KDM4B: variants seen among roughly 807,000 people sequenced by gnomAD.
KDM4B encodes lysine-specific demethylase 4B.
Under a neutral mutation model 125.2 loss-of-function variants are expected in KDM4B, and 32 were observed. That is an observed-to-expected ratio of 0.26 (90% CI 0.19 to 0.34). The LOEUF (loss-of-function observed/expected upper bound fraction) is 0.34, where lower values mean the gene tolerates loss of function less well. Ranked by LOEUF, KDM4B falls within the 10% of genes least tolerant of loss-of-function variation. KDM4B has a pLI of 1.00. For synonymous variants in KDM4B, 721 were observed against 677.9 expected (o/e 1.06, Z -0.99); for missense variants, 1,190 against 1,577.7 (o/e 0.75, Z 4.16).
At chr19:5,145,806 C>T (rs538566634) in intron 21 of KDM4B, among the ~76,000 whole-genome samples, 4 of 152,274 alleles carry the variant, frequency 2.6e-5, no homozygotes, top group East Asian at 1.9e-4. Flanking sequence ...AGAGTCACCT[C>T]GGGTCACGCG....
chr19:5,150,791 C>T (rs1472940658), intron 22 of KDM4B, among the ~76,000 whole-genome samples: 3 of 152,204 alleles, frequency 2.0e-5, no homozygotes, highest in Non-Finnish European at 2.9e-5. Flanking sequence ...CTGCACAGGG[C>T]GGCCTCTGAA....
chr19:5,019,113 T>G (rs959451455), intron 2 of KDM4B, among the ~76,000 whole-genome samples: 9 of 141,250 alleles, frequency 6.4e-5, no homozygotes, highest in Admixed American at 2.1e-4. Flanking sequence ...GGTGTTGGTG[T>G]GGGTGTTGGT....
intron 6 of KDM4B, chr19:5,070,659 C>A (rs892222868): frequency 5.4e-6 from 1 of 184,740 alleles, no homozygotes; most frequent in Non-Finnish European, 1.1e-5. Context: ...AGGGTCCCCT[C>A]GCCACCCGCA....
At chr19:4,982,208 C>G (rs1360799937) in intron 1 of KDM4B, among the ~76,000 whole-genome samples, 1 of 151,790 alleles carries the variant, frequency 6.6e-6, no homozygotes. Flanking sequence ...AGGAGAATCG[C>G]TTGAACCTGG....
At position 5,118,038 on chromosome 19, in the gene KDM4B, G is replaced by A. The variant is rs541061594; in HGVS notation, c.1116-1615G>A. Among the ~76,000 whole-genome samples the A allele has an allele frequency of 2.3e-3, 349 of 152,272 alleles. 2 individuals carry two copies. Among genetic ancestry groups the A allele is most frequent in the African/African-American group, 8.2e-3 (342 of 41,564 alleles). On this transcript the variant is annotated intron_variant, in intron 10 of 22. Coordinates refer to ENST00000159111, the MANE Select transcript of KDM4B (RefSeq NM_015015.3). ...AGTGGCTGGGAGCAGCGGTGGGCAG[G>A]GGTCAGGTCCAAGTGTCCCGAGGGA...
intron 1 of KDM4B, among the ~76,000 whole-genome samples, chr19:4,992,839 T>C (rs1396210237): frequency 1.3e-5 from 2 of 152,226 alleles, no homozygotes; most frequent in African/African-American, 4.8e-5. Flanking sequence ...CCTGTGATTA[T>C]TTAGGAGTAT....
intron 10 of KDM4B, chr19:5,112,528 A>G (rs1211075215): frequency 6.6e-6 from 1 of 152,140 alleles, no homozygotes; most frequent in African/African-American, 2.4e-5. Flanking sequence ...TTGGCCCCCC[A>G]CCACGCTCTG....
chr19:5,109,731 T>G (rs373330171), intron 9 of KDM4B, among the ~76,000 whole-genome samples: 2 of 152,186 alleles, frequency 1.3e-5, no homozygotes, highest in African/African-American at 4.8e-5. Flanking sequence ...CCCTGCAAGC[T>G]GGAGGCAGTC....
At chr19:5,003,759 A>T in intron 1 of KDM4B, among the ~76,000 whole-genome samples, 1 of 152,036 alleles carries the variant, frequency 6.6e-6, no homozygotes, top group East Asian at 1.9e-4. Context: ...TAGTGAGCTG[A>T]GATTGTGCCA....
At chr19:5,144,192 C>T (rs769148044) in intron 19 of KDM4B, 40 bp downstream of exon 19, 7 of 1,577,252 alleles carry the variant, frequency 4.4e-6, no homozygotes, top group African/African-American at 1.3e-5. Flanking sequence ...GCCCCTGGCT[C>T]CCGCCCCCAC....
rs571880624 is a variant in KDM4B, at chr19:5,082,598, C to T, written c.918+94C>T. On this transcript the variant is annotated intron_variant, in intron 9 of 22. Coordinates refer to ENST00000159111, the MANE Select transcript of KDM4B (RefSeq NM_015015.3). The surrounding 1 kb of genome is among the most constrained non-coding windows in gnomAD (Gnocchi z 5.4). ...ACACGCCCATAGCTGGTCCAGCAGC[C>T]GTTTCGCTCAGCCCAGGGCCTGGGC... 221 of 1,391,380 alleles carry T rather than the reference C, an allele frequency of 1.6e-4. No individual in the cohort carries two copies. The highest frequency in any genetic ancestry group is 1.9e-4 in the Non-Finnish European group (202 of 1,039,286). The allele number at this position is 1,391,380 out of a possible 1,614,324, so 86.2% of individuals were successfully genotyped here. A position where few individuals can be genotyped will look rare whatever the true frequency, so the allele number is the denominator to read the frequency against.
At chr19:4,977,702 C>T (rs1451204677) in intron 1 of KDM4B, among the ~76,000 whole-genome samples, 2 of 152,210 alleles carry the variant, frequency 1.3e-5, no homozygotes, top group Non-Finnish European at 2.9e-5. Context: ...CCTGAAACTA[C>T]CCACGGGTGC....
rs535456558 is a variant in KDM4B at position 5,102,594 on chromosome 19, G to A, written c.919-8028G>A. Among the ~76,000 whole-genome samples, 9 of 152,308 alleles carry A rather than the reference G, an allele frequency of 5.9e-5. No homozygotes were observed. The East Asian group carries it at 1.4e-3, about 23-fold the overall frequency. On this transcript the variant is annotated intron_variant, in intron 9 of 22. Transcript: ENST00000159111. Reference sequence around the variant, plus strand: ...GGCCGGGGCCGGGGTGGCATCTGGGGCCACTCCCGGTCTCTTGCTGTTGGC... The same window carrying A: ...GGCCGGGGCCGGGGTGGCATCTGGGACCACTCCCGGTCTCTTGCTGTTGGC...
chr19:5,041,532 A>G (rs1471359613), intron 5 of KDM4B, among the ~76,000 whole-genome samples: 4 of 152,170 alleles, frequency 2.6e-5, no homozygotes, highest in Non-Finnish European at 4.4e-5. Context: ...AGCGTGTTAC[A>G]AACACGTGTA....
At chr19:5,073,396 A>G (rs2145832298) in intron 7 of KDM4B, among the ~76,000 whole-genome samples, 1 of 152,348 alleles carries the variant, frequency 6.6e-6, no homozygotes, top group South Asian at 2.1e-4. Flanking sequence ...AGCAGGCTCT[A>G]GGCTCCGCAG....
chr19:4,976,742 A>G (rs913291936), intron 1 of KDM4B, among the ~76,000 whole-genome samples: 2 of 152,206 alleles, frequency 1.3e-5, no homozygotes, highest in Admixed American at 6.5e-5. Context: ...GAGTGAGTGG[A>G]CAAGTGCCCG....
intron 9 of KDM4B, among the ~76,000 whole-genome samples, chr19:5,108,863 C>G (rs1424676314): frequency 6.6e-6 from 1 of 152,152 alleles, no homozygotes; most frequent in East Asian, 1.9e-4. Flanking sequence ...CCGCCTCTCC[C>G]CAGCAGGAGA....
chr19:5,060,445 AAAAAAAAAAAAAAAAAAAG>A (rs1324598926), intron 6 of KDM4B, among the ~76,000 whole-genome samples: 3 of 129,788 alleles, frequency 2.3e-5, no homozygotes, highest in South Asian at 2.3e-4. Flanking sequence ...AAAAAAAAAA[AAAAAAAAAAAAAAAAAAAG>A]GGAGCCATGA....
chr19:5,028,008 T>C (rs1048110757), intron 2 of KDM4B, among the ~76,000 whole-genome samples: 1 of 152,214 alleles, frequency 6.6e-6, no homozygotes, highest in Non-Finnish European at 1.5e-5. Flanking sequence ...AGGGTCTTGC[T>C]CTGTTGCCCA....
Sources: gnomAD v4.1 joint callset for allele counts (sites outside exome capture counted in the v4.1 genomes callset) on GRCh38, gnomAD v4.1.1 for gene constraint, Gnocchi (gnomAD v3.1) non-coding constraint, MANE v1.5 for transcripts, NCBI Gene and HGNC (gene_info 2026-07-23, HGNC 2026-07-21) for gene names.